The following COPS8 variants were observed in gnomAD, a reference collection of about 807,000 sequenced individuals.
COPS8 encodes the protein COP9 signalosome complex subunit 8.
Under a neutral mutation model 31.5 loss-of-function variants are expected in COPS8, and 11 were observed. The observed-to-expected ratio is 0.35, with a 90% confidence interval of 0.22 to 0.58. The LOEUF (loss-of-function observed/expected upper bound fraction) is 0.58, where lower values mean the gene tolerates loss of function less well. Ranked by LOEUF, COPS8 falls within the 20% of genes least tolerant of loss-of-function variation. The pLI is 0.83. For synonymous variants in COPS8, 81 were observed against 89.3 expected (o/e 0.91, Z 0.52); for missense variants, 215 against 255.1 (o/e 0.84, Z 1.07).
intron 7 of COPS8, among the ~76,000 whole-genome samples, chr2:237,097,219 G>GTTTTTTTTTTTTTTTTTTTTTTTTTTTT (rs1478023230): frequency 1.6e-5 from 2 of 121,860 alleles, no homozygotes; most frequent in African/African-American, 6.3e-5. Context: ...TTCTTTGTGG[G>GTTTTTTTTTTTTTTTTTTTTTTTTTTTT]TTTTCTTTTT....
Position 237,093,991 on chromosome 2 carries a change from T to C in COPS8, c.332-99T>C. Reference sequence around the variant, plus strand: ...AATCTTTGGGTTCATCTGGCCTTGCTTATGAAAACTAGACAAGGACAGTGG... The same window carrying C: ...AATCTTTGGGTTCATCTGGCCTTGCCTATGAAAACTAGACAAGGACAGTGG... On this transcript the variant is annotated intron_variant, in intron 4 of 7. Coordinates refer to ENST00000354371, the MANE Select transcript of COPS8 (RefSeq NM_006710.5). 3 of 1,507,950 alleles carry C rather than the reference T, an allele frequency of 2.0e-6. No individual in the cohort carries two copies. The South Asian group carries it at 4.1e-5, about 21-fold the overall frequency. 93.4% of individuals were successfully genotyped at this position (1,507,950 alleles called of 1,614,324 possible).
intron 7 of COPS8, 53 bp from the exon 8 acceptor site, chr2:237,097,610 G>GC (rs1696828542): frequency 7.5e-7 from 1 of 1,340,786 alleles, no homozygotes; most frequent in Admixed American, 1.8e-5. Context: ...TGGGGCCAAA[G>GC]CTTTGTTACT....
intron 2 of COPS8, chr2:237,087,626 G>A: frequency 4.1e-6 from 1 of 246,208 alleles, no homozygotes; most frequent in Non-Finnish European, 8.6e-6. Flanking sequence ...ACATGGAAAA[G>A]TCAGAAAGCA....
At position 237,091,650 on chromosome 2, in the gene COPS8, A is replaced by C. The variant is rs558320985; in HGVS notation, c.331+1656A>C. ...CTTTCCATTCTCTTCTAAATTAGGC[A>C]CAGTCCTATTAGAAAACTGAAAATG... On this transcript the variant is annotated intron_variant, in intron 4 of 7. Coordinates refer to ENST00000354371, the MANE Select transcript of COPS8 (RefSeq NM_006710.5). 3.8e-3 allele frequency among the ~76,000 whole-genome samples: 583 copies of C among 152,352 alleles called. 6 individuals are homozygous for C. Among genetic ancestry groups the C allele is most frequent in the African/African-American group, 0.013 (556 of 41,584 alleles).
intron 3 of COPS8, 110 bp downstream of exon 3, chr2:237,088,763 G>C: frequency 1.5e-6 from 1 of 650,766 alleles, no homozygotes; most frequent in South Asian, 2.2e-5. Flanking sequence ...ATAGTCATCA[G>C]ATTGGTATTA....
Position 237,089,623 on chromosome 2 carries a change from T to C in COPS8, c.199-239T>C, listed in dbSNP as rs543127495. Among the ~76,000 whole-genome samples, 3 of 152,364 alleles carry C rather than the reference T, an allele frequency of 2.0e-5. No individual in the cohort carries two copies. In the South Asian group the frequency reaches 6.2e-4, roughly 32 times the overall value. On this transcript the variant is annotated intron_variant, in intron 3 of 7. Transcript: ENST00000354371. ...TACTTTCTCATGCCTTAATTTGCTA[T>C]TGTAATAAATTTATATCAGCCCTAC... is the stretch of plus-strand genomic sequence containing the variant.
rs1696835285 is a variant in COPS8, at chr2:237,097,997, T to C, written c.*255T>C. 7 of 323,266 alleles carry C rather than the reference T, an allele frequency of 2.2e-5. 2 individuals are homozygous for C. The South Asian group carries it at 3.1e-4, about 14-fold the overall frequency. The allele number at this position is 323,266 out of a possible 1,614,324, so 20.0% of individuals were successfully genotyped here. A position where few individuals can be genotyped will look rare whatever the true frequency, so the allele number is the denominator to read the frequency against. On this transcript the variant is annotated 3_prime_UTR_variant, in exon 8 of 8. Coordinates refer to ENST00000354371, the MANE Select transcript of COPS8 (RefSeq NM_006710.5). ...GGAGCCTGTCAGTATTACAGTTAGT[T>C]TTCTAGTGACTCATAAAATAAGATT...
intron 5 of COPS8, among the ~76,000 whole-genome samples, chr2:237,094,547 C>G (rs1696760042): frequency 6.6e-6 from 1 of 152,092 alleles, no homozygotes; most frequent in Non-Finnish European, 1.5e-5. Context: ...ATTTCTGACC[C>G]ATACCCTAGG....
At position 237,097,794 on chromosome 2, in the gene COPS8, C is replaced by A. The variant is rs774191584; in HGVS notation, c.*52C>A. The A allele has an allele frequency of 4.5e-6, 6 of 1,330,826 alleles. No individual in the cohort carries two copies. Among genetic ancestry groups the A allele is most frequent in the South Asian group, 2.4e-5 (2 of 82,990 alleles). 82.4% of individuals were successfully genotyped at this position (1,330,826 alleles called of 1,614,324 possible). Reference sequence around the variant, plus strand: ...CTTCAGAATCCTGTATACTGACAAACGTAGAAATGTAAAGTTTGTATTTTC... The same window carrying A: ...CTTCAGAATCCTGTATACTGACAAAAGTAGAAATGTAAAGTTTGTATTTTC... On this transcript the variant is annotated 3_prime_UTR_variant, in exon 8 of 8. Coordinates refer to ENST00000354371, the MANE Select transcript of COPS8 (RefSeq NM_006710.5).
In COPS8 at chr2:237,086,099, G is replaced by A. The variant is rs551950533; in HGVS notation, c.78+57G>A. On this transcript the variant is annotated intron_variant, in intron 1 of 7. Coordinates refer to ENST00000354371, the MANE Select transcript of COPS8 (RefSeq NM_006710.5). ...CGGAGTAGTCTTAGGCCCTGGGGCG[G>A]CACCAGTTTCCAGGGTAACGGGGTC... 13 of 1,497,084 alleles carry A rather than the reference G, an allele frequency of 8.7e-6. No homozygotes were observed. The East Asian group carries it at 9.5e-5, about 11-fold the overall frequency. The allele number at this position is 1,497,084 out of a possible 1,614,324, so 92.7% of individuals were successfully genotyped here. A position where few individuals can be genotyped will look rare whatever the true frequency, so the allele number is the denominator to read the frequency against.
At position 237,094,135 on chromosome 2, in the gene COPS8, C is replaced by A; in HGVS notation, c.377C>A (p.Thr126Asn). The change falls in exon 5 of 8, where the codon ACT becomes AAT. Residue 126 changes from threonine to asparagine, a missense_variant. Physicochemically the swap from Thr to Asn is moderately conservative, Grantham distance 65. Transcript: ENST00000354371. ...RAFALVSQAY[T>N]SIIADDFAAF... ...TTTGCCCTGGTCTCTCAAGCGTATA[C>A]TTCAATCATCGCCGATGATTTTGCA... 1 of 1,614,096 alleles carries A rather than the reference C, an allele frequency of 6.2e-7. No individual in the cohort carries two copies. Among genetic ancestry groups the A allele is most frequent in the Non-Finnish European group, 8.5e-7 (1 of 1,179,978 alleles).
chr2:237,093,494 C>G (rs1220558783), intron 4 of COPS8, among the ~76,000 whole-genome samples: 1 of 152,150 alleles, frequency 6.6e-6, no homozygotes, highest in African/African-American at 2.4e-5. Flanking sequence ...GGGGACAATC[C>G]TAAATGCCAC....
intron 7 of COPS8, among the ~76,000 whole-genome samples, chr2:237,097,430 A>G (rs900812035): frequency 6.6e-6 from 1 of 152,140 alleles, no homozygotes; most frequent in African/African-American, 2.4e-5. Flanking sequence ...AACATGAGAC[A>G]TGCCTTTACT....
Position 237,093,954 on chromosome 2 carries a change from T to C in COPS8, c.332-136T>C, listed in dbSNP as rs139023014. On this transcript the variant is annotated intron_variant, in intron 4 of 7. Coordinates refer to ENST00000354371, the MANE Select transcript of COPS8 (RefSeq NM_006710.5). ...CATACTGGGCATATGTATTTGTATCTATAAGCACAGAAATCTTTGGGTTCA... is the reference window on the plus strand; with the variant it reads ...CATACTGGGCATATGTATTTGTATCCATAAGCACAGAAATCTTTGGGTTCA... 622 of 1,429,364 alleles carry C rather than the reference T, an allele frequency of 4.4e-4. 2 individuals carry two copies. In the East Asian group the frequency reaches 0.014, roughly 32 times the overall value. The allele number at this position is 1,429,364 out of a possible 1,614,324, so 88.5% of individuals were successfully genotyped here.
chr2:237,094,175 T>C lies in COPS8; in HGVS notation c.417T>C (p.Leu139=), dbSNP rs1489180531. Residue 139 remains leucine (L), a synonymous_variant, in exon 5 of 8, where the codon CTT becomes CTC. Transcript: ENST00000354371. ...ATGATTTTGCAGCCTTTGTTGGACT[T>C]CCTGTAGAAGAGGCTGTGAAAGGTA... ...IADDFAAFVG[L]PVEEAVKGIL... is the part of the protein sequence containing the mutation. The C allele has an allele frequency of 8.7e-6, 14 of 1,614,020 alleles. No individual in the cohort carries two copies. Among genetic ancestry groups the C allele is most frequent in the Admixed American group, 1.7e-5 (1 of 60,006 alleles).
At chr2:237,094,580 A>T (rs1696760755) in intron 5 of COPS8, among the ~76,000 whole-genome samples, 1 of 151,762 alleles carries the variant, frequency 6.6e-6, no homozygotes, top group South Asian at 2.1e-4. Context: ...CCCCACTCAT[A>T]CCTGCTGGTC....
At chr2:237,087,592 T>G (rs1485491942) in intron 2 of COPS8, 1 of 242,322 alleles carries the variant, frequency 4.1e-6, no homozygotes, top group East Asian at 1.4e-4. Context: ...TTTTTTTGTT[T>G]TTAATTATTC....
At chr2:237,086,328 C>G (rs1490459583) in intron 1 of COPS8, among the ~76,000 whole-genome samples, 1 of 152,128 alleles carries the variant, frequency 6.6e-6, no homozygotes, top group East Asian at 1.9e-4. Context: ...AATTAGGCAT[C>G]TTTCCTTCCC....
chr2:237,097,015 A>G (rs1367326944), intron 7 of COPS8, 146 bp downstream of exon 7: 3 of 660,876 alleles, frequency 4.5e-6, no homozygotes, highest in Non-Finnish European at 7.7e-6. Context: ...GTAGTAATAC[A>G]TCTGGTTACA....
Sources: allele counts gnomAD v4.1 joint callset (sites outside exome capture counted in the v4.1 genomes callset), GRCh38; gene constraint gnomAD v4.1.1; transcripts MANE v1.5; gene names NCBI Gene and HGNC (gene_info 2026-07-23, HGNC 2026-07-21).